Variants in MCTP1 observed in about 807,000 individuals in gnomAD.
MCTP1 encodes the protein multiple C2 and transmembrane domain containing 1, also known as multiple C2 and transmembrane domain-containing protein 1.
In MCTP1, 69 loss-of-function variants were observed where a neutral mutation model predicts 120.6. That is an observed-to-expected ratio of 0.57 (90% CI 0.47 to 0.70). MCTP1 has a LOEUF of 0.70. MCTP1 is among the 30% of genes least tolerant of loss of function. MCTP1 has a pLI of 0.00. For synonymous variants in MCTP1, 529 were observed against 493.1 expected (o/e 1.07, Z -0.96); for missense variants, 1,203 against 1,248.8 (o/e 0.96, Z 0.55).
chr5:94,752,839 G>A (rs973517545), intron 19 of MCTP1, among the ~76,000 whole-genome samples: 2 of 152,190 alleles, frequency 1.3e-5, no homozygotes, highest in Admixed American at 6.5e-5. Flanking sequence ...GATTATAGCA[G>A]GATAACAGGT....
chr5:95,017,349 T>C lies in MCTP1; in HGVS notation c.838+18A>G. On this transcript the variant is annotated intron_variant, in intron 2 of 22. Coordinates refer to ENST00000515393, the MANE Select transcript of MCTP1 (RefSeq NM_024717.7). ...CACATAAAAAAGCTTCTAGGTGATA[T>C]TGCTCTTATGCTCTTACCTCCTCGA... 1.3e-6 allele frequency: 2 copies of C among 1,507,600 alleles called. No homozygotes were observed. Among genetic ancestry groups the C allele is most frequent in the Non-Finnish European group, 1.8e-6 (2 of 1,096,656 alleles). 93.4% of individuals were successfully genotyped at this position (1,507,600 alleles called of 1,614,324 possible). A position where few individuals can be genotyped will look rare whatever the true frequency, so the allele number is the denominator to read the frequency against.
intron 12 of MCTP1, among the ~76,000 whole-genome samples, chr5:94,880,797 TG>T (rs1799890686): frequency 6.6e-6 from 1 of 152,188 alleles, no homozygotes; most frequent in African/African-American, 2.4e-5. Context: ...ATGTAATTTG[TG>T]GAAAATGTTT....
intron 1 of MCTP1, among the ~76,000 whole-genome samples, chr5:95,149,757 TTAAGCG>T (rs1438130602): frequency 6.6e-6 from 1 of 152,174 alleles, no homozygotes; most frequent in African/African-American, 2.4e-5. Context: ...CCCTGCGGCC[TTAAGCG>T]GTGCCCTGCA....
At chr5:95,170,077 T>C (rs570509487) in intron 1 of MCTP1, among the ~76,000 whole-genome samples, 1 of 152,368 alleles carries the variant, frequency 6.6e-6, no homozygotes, top group South Asian at 2.1e-4. Context: ...TACACACTGC[T>C]TTGAATGTGT....
chr5:94,906,258 G>A (rs1055965020), intron 10 of MCTP1, among the ~76,000 whole-genome samples: 2 of 152,156 alleles, frequency 1.3e-5, no homozygotes, highest in Non-Finnish European at 2.9e-5. Context: ...GGCCGAGGAT[G>A]GTGGATTGCT....
chr5:94,759,062 T>C (rs1042921819), intron 19 of MCTP1, among the ~76,000 whole-genome samples: 3 of 152,190 alleles, frequency 2.0e-5, no homozygotes, highest in African/African-American at 7.2e-5. Flanking sequence ...CCTGACCTTC[T>C]AATGAAGGCA....
intron 3 of MCTP1, among the ~76,000 whole-genome samples, chr5:94,942,729 TCAA>T (rs1369742545): frequency 1.3e-5 from 2 of 152,032 alleles, no homozygotes; most frequent in Non-Finnish European, 2.9e-5. Context: ...AGCATAGAAT[TCAA>T]CAAGTATGTC....
chr5:94,746,310 CTAT>C (rs1366033307), intron 19 of MCTP1, among the ~76,000 whole-genome samples: 1 of 152,184 alleles, frequency 6.6e-6, no homozygotes, highest in Non-Finnish European at 1.5e-5. Flanking sequence ...TCACAGCCCT[CTAT>C]TAATTCTTTT....
At chr5:95,089,838 T>C (rs4869233) in intron 1 of MCTP1, among the ~76,000 whole-genome samples, 42,931 of 152,090 alleles carry the variant, frequency 0.28, 6,511 homozygotes, top group African/African-American at 0.4. Flanking sequence ...ACTTCCCTTC[T>C]TTCAGCCTCT....
At chr5:95,188,953 ATC>A (rs1749535640) in intron 1 of MCTP1, among the ~76,000 whole-genome samples, 1 of 152,198 alleles carries the variant, frequency 6.6e-6, no homozygotes, top group Non-Finnish European at 1.5e-5. Flanking sequence ...GATACACGGA[ATC>A]TCTCTGTGTT....
chr5:95,250,550 G>A (rs887068661), intron 1 of MCTP1, among the ~76,000 whole-genome samples: 3 of 152,110 alleles, frequency 2.0e-5, no homozygotes, highest in South Asian at 2.1e-4. Flanking sequence ...TTAGAGTCAG[G>A]CTGATATAAG....
chr5:94,741,598 T>A (rs1478382414), intron 19 of MCTP1, among the ~76,000 whole-genome samples: 1 of 152,232 alleles, frequency 6.6e-6, no homozygotes, highest in Non-Finnish European at 1.5e-5. Context: ...GCTCTGCTAA[T>A]GCTGCTAAGA....
At chr5:94,772,704 T>C (rs1774353205) in intron 19 of MCTP1, among the ~76,000 whole-genome samples, 1 of 152,078 alleles carries the variant, frequency 6.6e-6, no homozygotes, top group South Asian at 2.1e-4. Context: ...AACCTAGAAA[T>C]AAACAGTCTC....
At chr5:95,274,088 G>A (rs1169099989) in intron 1 of MCTP1, among the ~76,000 whole-genome samples, 2 of 152,146 alleles carry the variant, frequency 1.3e-5, no homozygotes, top group African/African-American at 4.8e-5. Context: ...CAGGGTTGGA[G>A]AGTACACGTC....
At chr5:95,191,433 C>T (rs1291233938) in intron 1 of MCTP1, among the ~76,000 whole-genome samples, 1 of 151,986 alleles carries the variant, frequency 6.6e-6, no homozygotes, top group East Asian at 1.9e-4. Context: ...TCTATAGTTA[C>T]ACTATCTTCC....
At chr5:94,945,232 T>C (rs543853745) in intron 3 of MCTP1, among the ~76,000 whole-genome samples, 1 of 152,270 alleles carries the variant, frequency 6.6e-6, no homozygotes, top group Admixed American at 6.5e-5. Context: ...AAACATTAGG[T>C]AACAGGTAGA....
intron 1 of MCTP1, among the ~76,000 whole-genome samples, chr5:95,073,930 G>C (rs1014913710): frequency 6.6e-6 from 1 of 152,112 alleles, no homozygotes; most frequent in African/African-American, 2.4e-5. Flanking sequence ...GGCCAACATA[G>C]TGAAACCCCG....
intron 1 of MCTP1, among the ~76,000 whole-genome samples, chr5:95,158,798 G>C (rs1188398129): frequency 6.6e-6 from 1 of 151,172 alleles, no homozygotes; most frequent in African/African-American, 2.4e-5. Context: ...AATTAGCCAG[G>C]CATGGTGGTG....
At chr5:95,262,138 G>A (rs1168556987) in intron 1 of MCTP1, among the ~76,000 whole-genome samples, 1 of 152,182 alleles carries the variant, frequency 6.6e-6, no homozygotes, top group Non-Finnish European at 1.5e-5. Context: ...GAGATGATGG[G>A]ATCTGGGCAG....
Sources: allele counts gnomAD v4.1 joint callset (sites outside exome capture counted in the v4.1 genomes callset), GRCh38; gene constraint gnomAD v4.1.1; transcripts MANE v1.5; gene names NCBI Gene and HGNC (gene_info 2026-07-23, HGNC 2026-07-21).